The following H2AC6 variants were observed in gnomAD, a reference collection of about 807,000 sequenced individuals.
H2AC6 encodes histone H2A type 1-C.
Under a neutral mutation model 6.8 loss-of-function variants are expected in H2AC6, and 5 were observed. That is an observed-to-expected ratio of 0.73 (90% confidence interval 0.38 to 1.54). The LOEUF is 1.54. Among genes scored for constraint, H2AC6 ranks in the 40% most tolerant of loss-of-function variants. H2AC6 has a pLI of 0.03. For missense variants in H2AC6, 154 were observed against 180.7 expected, an observed-to-expected ratio of 0.85 and a Z score of 0.85; for synonymous variants, 146 against 79.2, an observed-to-expected ratio of 1.84 and a Z score of -4.48.
In H2AC6 at chr6:26,124,247, T is replaced by G; in HGVS notation, c.15T>G (p.Gly5=). The change falls in exon 1 of 1, where the codon GGT becomes GGG. Residue 5 remains glycine (G), a synonymous_variant. Coordinates refer to ENST00000377791, the MANE Select transcript of H2AC6 (RefSeq NM_003512.4). ...GTCTGATTGCAATGTCTGGACGTGG[T>G]AAGCAAGGAGGCAAAGCTCGCGCCA... MSGR[G]KQGGKARAKA... 1 of 1,597,960 alleles carries G rather than the reference T, an allele frequency of 6.3e-7. No homozygotes were observed. Among genetic ancestry groups the G allele is most frequent in the Non-Finnish European group, 8.5e-7 (1 of 1,171,452 alleles).
Position 26,124,305 on chromosome 6 carries a change from C to T in H2AC6, c.73C>T (p.Gln25Ter), listed in dbSNP as rs1763581640. ...AKSRSSRAGL[Q>*]FPVGRVHRLL... ...ATCCCGCTCTTCTCGCGCTGGTCTC[C>T]AGTTCCCGGTGGGCCGAGTGCACCG... The change falls in exon 1 of 1, where the codon CAG becomes TAG. Residue 25 changes from glutamine to a stop codon, truncating the protein, a stop_gained. Coordinates refer to ENST00000377791, the MANE Select transcript of H2AC6 (RefSeq NM_003512.4). LOFTEE classifies it high-confidence loss of function. 1 of 1,613,570 alleles carries T rather than the reference C, an allele frequency of 6.2e-7. No individual in the cohort carries two copies. The highest frequency in any genetic ancestry group is 8.5e-7 in the Non-Finnish European group (1 of 1,179,662).
rs746528344 is a variant in H2AC6, at chr6:26,124,676, T to C, written c.*51T>C. 3 of 1,578,568 alleles carry C rather than the reference T, an allele frequency of 1.9e-6. No individual in the cohort carries two copies. In the South Asian group the frequency reaches 3.5e-5, roughly 18 times the overall value. On this transcript the variant is annotated 3_prime_UTR_variant, in exon 1 of 1. Coordinates refer to ENST00000377791, the MANE Select transcript of H2AC6 (RefSeq NM_003512.4). ...AACGCTATCAAACCCAAAGGCTCTT[T>C]TCAGAGCCCCCCTACCGTTTCAAAG... is the stretch of plus-strand genomic sequence containing the variant.
rs1483000515 is a variant in H2AC6, at chr6:26,124,571, G to A, written c.339G>A (p.Gln113=). ...IAQGGVLPNI[Q]AVLLPKKTES... ...AGGGCGGCGTCCTTCCTAACATCCA[G>A]GCCGTGCTTCTGCCTAAGAAGACCG... Residue 113 remains glutamine (Q), a synonymous_variant, in exon 1 of 1, where the codon CAG becomes CAA. Coordinates refer to ENST00000377791, the MANE Select transcript of H2AC6 (RefSeq NM_003512.4). The A allele has an allele frequency of 9.9e-6, 16 of 1,614,074 alleles. No homozygotes were observed. The highest frequency in any genetic ancestry group is 9.9e-5 in the South Asian group (9 of 91,082).
chr6:26,124,300 GTC>G lies in H2AC6; in HGVS notation c.71_72del (p.Leu24ProfsTer13). The G allele has an allele frequency of 6.2e-7, 1 of 1,613,266 alleles. No homozygotes were observed. Among genetic ancestry groups the G allele is most frequent in the Non-Finnish European group, 8.5e-7 (1 of 1,179,472 alleles). ...GCGAAATCCCGCTCTTCTCGCGCTGGTCTCCAGTTCCCGGTGGGCCGAGTGCA... is the reference window on the plus strand; with the variant it reads ...GCGAAATCCCGCTCTTCTCGCGCTGGTCCAGTTCCCGGTGGGCCGAGTGCA... On this transcript the variant is annotated frameshift_variant, in exon 1 of 1. Coordinates refer to ENST00000377791, the MANE Select transcript of H2AC6 (RefSeq NM_003512.4). LOFTEE classifies it high-confidence loss of function.
In H2AC6 at chr6:26,124,237, C is replaced by T; in HGVS notation, c.5C>T (p.Ser2Phe). Residue 2 changes from serine to phenylalanine, a missense_variant, in exon 1 of 1, where the codon TCT (serine) becomes TTT (phenylalanine). By Grantham distance (155) the Ser-to-Phe change is radical. Transcript: ENST00000377791. The stretch of plus-strand genomic sequence containing the variant: ...GGTGATTTTTGTCTGATTGCAATGT[C>T]TGGACGTGGTAAGCAAGGAGGCAAA... M[S>F]GRGKQGGKAR... The T allele has an allele frequency of 1.3e-6, 2 of 1,592,978 alleles. No homozygotes were observed. Among genetic ancestry groups the T allele is most frequent in the Non-Finnish European group, 1.7e-6 (2 of 1,169,050 alleles).
Position 26,124,643 on chromosome 6 carries a change from C to T in H2AC6, c.*18C>T, listed in dbSNP as rs759377181. 10 of 1,604,880 alleles carry T rather than the reference C, an allele frequency of 6.2e-6. No individual in the cohort carries two copies. The highest frequency in any genetic ancestry group is 1.7e-5 in the Admixed American group (1 of 59,106). ...GCAAGTGATTTGACAGGTATCTGAG[C>T]TCCCGGAAACGCTATCAAACCCAAA... is the stretch of plus-strand genomic sequence containing the variant. On this transcript the variant is annotated 3_prime_UTR_variant, in exon 1 of 1. Coordinates refer to ENST00000377791, the MANE Select transcript of H2AC6 (RefSeq NM_003512.4).
rs772215605 is a variant in H2AC6, at chr6:26,124,189, C to T, written c.-44C>T. 1.7e-5 allele frequency: 26 copies of T among 1,531,250 alleles called. No individual in the cohort carries two copies. In the Middle Eastern group the frequency reaches 5.3e-4, roughly 31 times the overall value. The allele number at this position is 1,531,250 out of a possible 1,614,324, so 94.9% of individuals were successfully genotyped here. A position where few individuals can be genotyped will look rare whatever the true frequency, so the allele number is the denominator to read the frequency against. On this transcript the variant is annotated 5_prime_UTR_variant, in exon 1 of 1. Coordinates refer to ENST00000377791, the MANE Select transcript of H2AC6 (RefSeq NM_003512.4). ...TATTTCTTGATTTTGTTTGTTTTCT[C>T]GTGAGCTTAGGCCGCTGGTTTTGGT...
At position 26,124,253 on chromosome 6, in the gene H2AC6, A is replaced by G. The variant is rs558606035; in HGVS notation, c.21A>G (p.Gln7=). The stretch of plus-strand genomic sequence containing the variant: ...TTGCAATGTCTGGACGTGGTAAGCA[A>G]GGAGGCAAAGCTCGCGCCAAAGCGA... MSGRGK[Q]GGKARAKAKS... The change falls in exon 1 of 1, where the codon CAA becomes CAG. Residue 7 remains glutamine, a synonymous_variant. Coordinates refer to ENST00000377791, the MANE Select transcript of H2AC6 (RefSeq NM_003512.4). The G allele has an allele frequency of 9.4e-6, 15 of 1,600,708 alleles. No homozygotes were observed. Among genetic ancestry groups the G allele is most frequent in the African/African-American group, 8.0e-5 (6 of 74,652 alleles).
In H2AC6 at chr6:26,124,221, T is replaced by C. The variant is rs1347739109; in HGVS notation, c.-12T>C. The C allele has an allele frequency of 1.9e-6, 3 of 1,560,276 alleles. No individual in the cohort carries two copies. Among genetic ancestry groups the C allele is most frequent in the Admixed American group, 2.0e-5 (1 of 50,104 alleles). The stretch of plus-strand genomic sequence containing the variant: ...TTAGGCCGCTGGTTTTGGTGATTTT[T>C]GTCTGATTGCAATGTCTGGACGTGG... On this transcript the variant is annotated 5_prime_UTR_variant, in exon 1 of 1. Transcript: ENST00000377791.
chr6:26,124,181 TGTTTTCTC>T lies in H2AC6; in HGVS notation c.-49_-42del. ...GTTTTACATATTTCTTGATTTTGTT[TGTTTTCTC>T]GTGAGCTTAGGCCGCTGGTTTTGGT... On this transcript the variant is annotated 5_prime_UTR_variant, in exon 1 of 1. Transcript: ENST00000377791. 2.6e-6 allele frequency: 4 copies of T among 1,527,298 alleles called. No individual in the cohort carries two copies. The South Asian group carries it at 5.2e-5, about 20-fold the overall frequency. The allele number at this position is 1,527,298 out of a possible 1,614,324, so 94.6% of individuals were successfully genotyped here. A position where few individuals can be genotyped will look rare whatever the true frequency, so the allele number is the denominator to read the frequency against.
Position 26,124,393 on chromosome 6 carries a change from C to T in H2AC6, c.161C>T (p.Ala54Val), listed in dbSNP as rs1048088536. 3 of 1,613,894 alleles carry T rather than the reference C, an allele frequency of 1.9e-6. No homozygotes were observed. Among genetic ancestry groups the T allele is most frequent in the Admixed American group, 1.7e-5 (1 of 59,968 alleles). ...GCAGGCGCGCCGGTGTACCTGGCGG[C>T]GGTGTTAGAGTACCTGACCGCCGAG... ...VGAGAPVYLAAVLEYLTAEIL... is the reference protein window; with the variant it reads ...VGAGAPVYLAVVLEYLTAEIL... The change falls in exon 1 of 1, where the codon GCG (alanine) becomes GTG (valine). Residue 54 changes from alanine to valine, a missense_variant. Transcript: ENST00000377791.
chr6:26,124,420 T>TC lies in H2AC6; in HGVS notation c.190dup (p.Leu64ProfsTer48). 6.2e-7 allele frequency: 1 copy of TC among 1,614,004 alleles called. No homozygotes were observed. The highest frequency in any genetic ancestry group is 8.5e-7 in the Non-Finnish European group (1 of 1,180,004). On this transcript the variant is annotated frameshift_variant, in exon 1 of 1. Coordinates refer to ENST00000377791, the MANE Select transcript of H2AC6 (RefSeq NM_003512.4). LOFTEE classifies it high-confidence loss of function. ...GTGTTAGAGTACCTGACCGCCGAGA[T>TC]CCTGGAGCTGGCCGGCAACGCGGCT...
chr6:26,124,187 C>A lies in H2AC6; in HGVS notation c.-46C>A. On this transcript the variant is annotated 5_prime_UTR_variant, in exon 1 of 1. Coordinates refer to ENST00000377791, the MANE Select transcript of H2AC6 (RefSeq NM_003512.4). ...CATATTTCTTGATTTTGTTTGTTTTCTCGTGAGCTTAGGCCGCTGGTTTTG... is the reference window on the plus strand; with the variant it reads ...CATATTTCTTGATTTTGTTTGTTTTATCGTGAGCTTAGGCCGCTGGTTTTG... The A allele has an allele frequency of 6.5e-7, 1 of 1,530,568 alleles. No individual in the cohort carries two copies. The highest frequency in any genetic ancestry group is 2.3e-5 in the East Asian group (1 of 44,270). The allele number at this position is 1,530,568 out of a possible 1,614,324, so 94.8% of individuals were successfully genotyped here. A position where few individuals can be genotyped will look rare whatever the true frequency, so the allele number is the denominator to read the frequency against.
In H2AC6 at chr6:26,124,664, C is replaced by G. The variant is rs768028261; in HGVS notation, c.*39C>G. 2.3e-5 allele frequency: 36 copies of G among 1,591,962 alleles called. No individual in the cohort carries two copies. The highest frequency in any genetic ancestry group is 2.2e-5 in the East Asian group (1 of 44,662). On this transcript the variant is annotated 3_prime_UTR_variant, in exon 1 of 1. Coordinates refer to ENST00000377791, the MANE Select transcript of H2AC6 (RefSeq NM_003512.4). Reference sequence around the variant, plus strand: ...TGAGCTCCCGGAAACGCTATCAAACCCAAAGGCTCTTTTCAGAGCCCCCCT... The same window carrying G: ...TGAGCTCCCGGAAACGCTATCAAACGCAAAGGCTCTTTTCAGAGCCCCCCT...
In H2AC6 at chr6:26,124,214, T is replaced by C. The variant is rs112692109; in HGVS notation, c.-19T>C. ...CGTGAGCTTAGGCCGCTGGTTTTGG[T>C]GATTTTTGTCTGATTGCAATGTCTG... On this transcript the variant is annotated 5_prime_UTR_variant, in exon 1 of 1. Transcript: ENST00000377791. The C allele has an allele frequency of 2.6e-3, 4,047 of 1,554,388 alleles. 14 individuals are homozygous for C. The highest frequency in any genetic ancestry group is 4.9e-3 in the Middle Eastern group (28 of 5,742).
chr6:26,124,386 C>T lies in H2AC6; in HGVS notation c.154C>T (p.Leu52=), dbSNP rs1228995454. The T allele has an allele frequency of 1.2e-5, 20 of 1,614,028 alleles. 1 individual carries two copies. The highest frequency in any genetic ancestry group is 2.2e-5 in the South Asian group (2 of 91,070). The part of the protein sequence containing the change: ...ERVGAGAPVY[L]AAVLEYLTAE... Reference sequence around the variant, plus strand: ...GGTTGGGGCAGGCGCGCCGGTGTACCTGGCGGCGGTGTTAGAGTACCTGAC... The same window carrying T: ...GGTTGGGGCAGGCGCGCCGGTGTACTTGGCGGCGGTGTTAGAGTACCTGAC... Residue 52 remains leucine, a synonymous_variant, in exon 1 of 1, where the codon CTG becomes TTG. Transcript: ENST00000377791.
rs531071869 is a variant in H2AC6 at position 26,124,337 on chromosome 6, C to G, written c.105C>G (p.Leu35=). 6.2e-7 allele frequency: 1 copy of G among 1,614,094 alleles called. No homozygotes were observed. The highest frequency in any genetic ancestry group is 2.2e-5 in the East Asian group (1 of 44,888). The change falls in exon 1 of 1, where the codon CTC becomes CTG. Residue 35 remains leucine (L), a synonymous_variant. Coordinates refer to ENST00000377791, the MANE Select transcript of H2AC6 (RefSeq NM_003512.4). ...QFPVGRVHRL[L]RKGNYAERVG... ...CGGTGGGCCGAGTGCACCGCCTGCT[C>G]CGTAAAGGCAACTACGCAGAGCGGG...
rs1763587556 is a variant in H2AC6 at position 26,124,427 on chromosome 6, G to GT, written c.195_196insT (p.Leu66SerfsTer46). The stretch of plus-strand genomic sequence containing the variant: ...AGTACCTGACCGCCGAGATCCTGGA[G>GT]CTGGCCGGCAACGCGGCTCGCGACA... On this transcript the variant is annotated frameshift_variant, in exon 1 of 1. Transcript: ENST00000377791. LOFTEE classifies it high-confidence loss of function. 2 of 1,614,074 alleles carry GT rather than the reference G, an allele frequency of 1.2e-6. No individual in the cohort carries two copies. The highest frequency in any genetic ancestry group is 1.7e-6 in the Non-Finnish European group (2 of 1,179,936).
Position 26,124,642 on chromosome 6 carries a change from G to T in H2AC6, c.*17G>T. 1 of 1,606,648 alleles carries T rather than the reference G, an allele frequency of 6.2e-7. No individual in the cohort carries two copies. Among genetic ancestry groups the T allele is most frequent in the Middle Eastern group, 1.7e-4 (1 of 6,028 alleles). Reference sequence around the variant, plus strand: ...GGCAAGTGATTTGACAGGTATCTGAGCTCCCGGAAACGCTATCAAACCCAA... The same window carrying T: ...GGCAAGTGATTTGACAGGTATCTGATCTCCCGGAAACGCTATCAAACCCAA... On this transcript the variant is annotated 3_prime_UTR_variant, in exon 1 of 1. Transcript: ENST00000377791.
Sources: gnomAD v4.1 joint callset for allele counts on GRCh38, gnomAD v4.1.1 for gene constraint, MANE v1.5 for transcripts, NCBI Gene and HGNC (gene_info 2026-07-23, HGNC 2026-07-21) for gene names.